Variants in PTPRN observed in about 807,000 individuals in gnomAD.
PTPRN encodes the protein receptor-type tyrosine-protein phosphatase-like N.
Under a neutral mutation model 108.5 loss-of-function variants are expected in PTPRN, and 70 were observed. The ratio of observed to expected loss-of-function variants is 0.65; its 90% CI spans 0.53 to 0.79. PTPRN has a LOEUF of 0.79. Among genes scored for constraint, PTPRN ranks in the 30% least tolerant of loss-of-function variants. The pLI is 0.00. For synonymous variants in PTPRN, 496 were observed against 524.6 expected (o/e 0.95, Z 0.75); for missense variants, 1,136 against 1,295.5 (o/e 0.88, Z 1.89).
intron 8 of PTPRN, 108 bp from the exon 9 acceptor site, chr2:219,300,367 AC>A: frequency 1.7e-6 from 2 of 1,188,574 alleles, no homozygotes; most frequent in South Asian, 1.7e-5. Flanking sequence ...TTCACTTTCT[AC>A]CCCCAGGGAC....
At chr2:219,295,485 C>G (rs764118469) in intron 18 of PTPRN, 1 of 209,218 alleles carries the variant, frequency 4.8e-6, no homozygotes, top group African/African-American at 2.3e-5. Flanking sequence ...CGTTAACCAC[C>G]AGCAGGACCA....
chr2:219,299,773 C>G lies in PTPRN; in HGVS notation c.1450G>C (p.Ala484Pro), dbSNP rs755776897. ...IVTDQKPLSL[A>P]AGVKLLEILA... is the part of the protein sequence containing the mutation. Reference sequence around the variant, plus strand: ...ATCTCCAGCAGCTTCACTCCTGCAGCCAGGCTCAGGGGCCTGGAGATGGGA... The same window carrying G: ...ATCTCCAGCAGCTTCACTCCTGCAGGCAGGCTCAGGGGCCTGGAGATGGGA... The change falls in exon 10 of 23, where the codon GCT (alanine) becomes CCT (proline). Residue 484 changes from alanine to proline, a missense_variant. Coordinates refer to ENST00000295718, the MANE Select transcript of PTPRN (RefSeq NM_002846.4). 49 of 1,610,002 alleles carry G rather than the reference C, an allele frequency of 3.0e-5. No homozygotes were observed. Among genetic ancestry groups the G allele is most frequent in the Non-Finnish European group, 3.9e-5 (46 of 1,177,062 alleles).
At chr2:219,298,173 G>C (rs1443341770) in intron 12 of PTPRN, 70 bp from the exon 13 acceptor site, 2 of 1,459,880 alleles carry the variant, frequency 1.4e-6, no homozygotes, top group Admixed American at 3.4e-5. Flanking sequence ...CCTCACCCCG[G>C]TCCCATGCCA....
At position 219,301,713 on chromosome 2, in the gene PTPRN, G is replaced by C; in HGVS notation, c.1001C>G (p.Ala334Gly). Reference protein sequence around the residue: ...PASPAVQPDAALQRLAAVLAG... With the variant: ...PASPAVQPDAGLQRLAAVLAG... ...CAGCACAGCGGCCAGCCTCTGCAGAGCCGCATCTGCTGGGAGCCAGACACA... is the reference window on the plus strand; with the variant it reads ...CAGCACAGCGGCCAGCCTCTGCAGACCCGCATCTGCTGGGAGCCAGACACA... The change falls in exon 7 of 23, where the codon GCT becomes GGT. Residue 334 changes from alanine to glycine, a missense_variant. By Grantham distance (60) the Ala-to-Gly change is moderately conservative (BLOSUM62 0). Transcript: ENST00000295718. 6.2e-7 allele frequency: 1 copy of C among 1,608,610 alleles called. No individual in the cohort carries two copies. Among genetic ancestry groups the C allele is most frequent in the Non-Finnish European group, 8.5e-7 (1 of 1,175,654 alleles).
chr2:219,302,817 C>T lies in PTPRN; in HGVS notation c.398G>A (p.Arg133Lys), dbSNP rs748837301. ...PRDRSGLAPK[R>K]PGPAGELLLQ... is the part of the protein sequence containing the mutation. ...AAGCAGCTCTCCAGCAGGACCAGGT[C>T]TCTTGGGTGCCAAGCCAGACCTGTA... is the stretch of plus-strand genomic sequence containing the variant. The change falls in exon 5 of 23, where the codon AGA (arginine) becomes AAA (lysine). Residue 133 changes from arginine to lysine, a missense_variant. Coordinates refer to ENST00000295718, the MANE Select transcript of PTPRN (RefSeq NM_002846.4). The T allele has an allele frequency of 1.9e-6, 3 of 1,613,184 alleles. No individual in the cohort carries two copies. Among genetic ancestry groups the T allele is most frequent in the African/African-American group, 1.3e-5 (1 of 74,988 alleles).
In PTPRN at chr2:219,296,584, C is replaced by A. The variant is rs2292604; in HGVS notation, c.2311-68G>T. ...CCACTATGGACAGGCGTGGTCAGAG[C>A]AAGTGGGTCAGGGTCTGAGAAGGCT... On this transcript the variant is annotated intron_variant, in intron 16 of 22. Transcript: ENST00000295718. The surrounding 1 kb of genome is among the most constrained non-coding windows in gnomAD (Gnocchi z 6.0). The A allele has an allele frequency of 1.3e-6, 2 of 1,593,008 alleles. No homozygotes were observed. Among genetic ancestry groups the A allele is most frequent in the Non-Finnish European group, 1.7e-6 (2 of 1,162,978 alleles).
Position 219,309,304 on chromosome 2 carries a change from A to G in PTPRN, c.29T>C (p.Leu10Pro). MRRPRRPGG[L>P]GGSGGLRLLL... ...CAGCCGGAGACCCCCGGATCCCCCG[A>G]GACCCCCAGGCCGCCGCGGGCGCCG... The change falls in exon 1 of 23, where the codon CTC (leucine) becomes CCC (proline). Residue 10 changes from leucine to proline, a missense_variant. By Grantham distance (98) the Leu-to-Pro change is moderately conservative. Coordinates refer to ENST00000295718, the MANE Select transcript of PTPRN (RefSeq NM_002846.4). The G allele has an allele frequency of 6.6e-7, 1 of 1,510,648 alleles. No homozygotes were observed. The highest frequency in any genetic ancestry group is 8.8e-7 in the Non-Finnish European group (1 of 1,133,550). 93.6% of individuals were successfully genotyped at this position (1,510,648 alleles called of 1,614,324 possible).
At position 219,290,858 on chromosome 2, in the gene PTPRN, A is replaced by T; in HGVS notation, c.2762T>A (p.Leu921His). 6.2e-7 allele frequency: 1 copy of T among 1,614,004 alleles called. No individual in the cohort carries two copies. Among genetic ancestry groups the T allele is most frequent in the Non-Finnish European group, 8.5e-7 (1 of 1,180,006 alleles). Residue 921 changes from leucine to histidine, a missense_variant, in exon 21 of 23, where the codon CTC becomes CAC. Transcript: ENST00000295718. This position sits in a 1 kb window ranked among gnomAD's most constrained non-coding sequence, Gnocchi z 4.2. ...DGAGRTGTYI[L>H]IDMVLNRMAK... is the part of the protein sequence containing the mutation. ...CATGCGGTTCAGGACCATGTCGATG[A>T]GGATGTAGGTGCCGGTCCTCCCCGC...
At chr2:219,300,520 A>C in intron 8 of PTPRN, 2 of 483,450 alleles carry the variant, frequency 4.1e-6, no homozygotes, top group South Asian at 8.8e-5. Context: ...CCCTGCAGCA[A>C]GAGAAGCTGG....
intron 2 of PTPRN, 90 bp downstream of exon 2, chr2:219,307,702 C>A: frequency 6.6e-7 from 1 of 1,521,336 alleles, no homozygotes; most frequent in Non-Finnish European, 9.1e-7. Flanking sequence ...CCCAGTAGCC[C>A]TCTTCCTTTC....
Position 219,302,478 on chromosome 2 carries a change from T to C in PTPRN, c.653A>G (p.Asp218Gly), listed in dbSNP as rs1364546848. The C allele has an allele frequency of 1.2e-6, 2 of 1,613,814 alleles. No individual in the cohort carries two copies. The highest frequency in any genetic ancestry group is 3.3e-5 in the Admixed American group (2 of 59,932). ...PYLFHQFGSR[D>G]GSRVSEGSPG... is the part of the protein sequence containing the mutation. ...GGAGCCCTCTGAGACCCTGGAGCCA[T>C]CACGGGAGCCAAACTGTGGAAAACC... Residue 218 changes from aspartate to glycine, a missense_variant, in exon 6 of 23, where the codon GAT (aspartate) becomes GGT (glycine). By Grantham distance (94) the Asp-to-Gly change is moderately conservative. Coordinates refer to ENST00000295718, the MANE Select transcript of PTPRN (RefSeq NM_002846.4).
At chr2:219,304,025 G>A (rs995194303) in intron 3 of PTPRN, 194 bp from the exon 4 acceptor site, 5 of 448,432 alleles carry the variant, frequency 1.1e-5, no homozygotes, top group African/African-American at 2.0e-5. Flanking sequence ...GACCACCTGG[G>A]TTTGAATCCT....
Position 219,295,036 on chromosome 2 carries a change from A to G in PTPRN, c.2614T>C (p.Phe872Leu), listed in dbSNP as rs778690750. The change falls in exon 19 of 23, where the codon TTC becomes CTC. Residue 872 changes from phenylalanine (F) to leucine (L), a missense_variant. Coordinates refer to ENST00000295718, the MANE Select transcript of PTPRN (RefSeq NM_002846.4). ...GTGCCCTCTGCCGGCCAGCTGAGGA[A>G]GTGGAACTGCGTGAGCGTGCGCGTC... ...QETRTLTQFH[F>L]LSWPAEGTPA... 4.7e-5 allele frequency: 76 copies of G among 1,612,760 alleles called. No homozygotes were observed. The highest frequency in any genetic ancestry group is 6.2e-5 in the Non-Finnish European group (73 of 1,179,446).
intron 1 of PTPRN, 41 bp downstream of exon 1, chr2:219,309,177 C>T: frequency 8.1e-7 from 1 of 1,231,384 alleles, no homozygotes. Flanking sequence ...CCAAGCTGCT[C>T]CCCGCCCCCC....
At chr2:219,304,826 C>G (rs1457778977) in intron 3 of PTPRN, among the ~76,000 whole-genome samples, 4 of 152,178 alleles carry the variant, frequency 2.6e-5, no homozygotes, top group African/African-American at 9.7e-5. Context: ...AAACAATATG[C>G]AATTTCTTCC....
In PTPRN at chr2:219,297,319, T is replaced by C. The variant is rs1163673886; in HGVS notation, c.2002A>G (p.Ser668Gly). ...SSQFSDAAQA[S>G]PSSHSSTPSW... ...GGGGTGCTGCTGTGGGAGCTGGGGCTGGCCTGGGCTGCGTCGCTGAACTGG... is the reference window on the plus strand; with the variant it reads ...GGGGTGCTGCTGTGGGAGCTGGGGCCGGCCTGGGCTGCGTCGCTGAACTGG... The change falls in exon 14 of 23, where the codon AGC becomes GGC. Residue 668 changes from serine (S) to glycine (G), a missense_variant. Transcript: ENST00000295718. The surrounding 1 kb of genome is among the most constrained non-coding windows in gnomAD (Gnocchi z 6.0). The C allele has an allele frequency of 6.2e-7, 1 of 1,613,946 alleles. No homozygotes were observed. The highest frequency in any genetic ancestry group is 8.5e-7 in the Non-Finnish European group (1 of 1,180,036).
chr2:219,309,176 T>TGCCCCCCC, intron 1 of PTPRN, 42 bp downstream of exon 1: 1 of 1,364,360 alleles, frequency 7.3e-7, no homozygotes, highest in Non-Finnish European at 9.9e-7. Context: ...CCCAAGCTGC[T>TGCCCCCCC]CCCCGCCCCC....
At chr2:219,307,698 A>T in intron 2 of PTPRN, 94 bp downstream of exon 2, 1 of 1,511,242 alleles carries the variant, frequency 6.6e-7, no homozygotes, top group Non-Finnish European at 9.2e-7. Context: ...CAAGCCCAGT[A>T]GCCCTCTTCC....
In PTPRN at chr2:219,297,458, T is replaced by G. The variant is rs78673929; in HGVS notation, c.1888-25A>C. 3.7e-4 allele frequency: 588 copies of G among 1,610,842 alleles called. No homozygotes were observed. The highest frequency in any genetic ancestry group is 4.4e-4 in the Non-Finnish European group (523 of 1,177,482). The stretch of plus-strand genomic sequence containing the variant: ...CCTGTGGAGGAAGAATCAGGTGAGG[T>G]CCAAGAGTCCCCTGAAACTTTTCAA... On this transcript the variant is annotated intron_variant, in intron 13 of 22. Coordinates refer to ENST00000295718, the MANE Select transcript of PTPRN (RefSeq NM_002846.4). The surrounding 1 kb of genome is among the most constrained non-coding windows in gnomAD (Gnocchi z 6.0).
Sources: allele counts gnomAD v4.1 joint callset (sites outside exome capture counted in the v4.1 genomes callset), GRCh38; gene constraint gnomAD v4.1.1; non-coding constraint Gnocchi (gnomAD v3.1); transcripts MANE v1.5; gene names NCBI Gene and HGNC (gene_info 2026-07-23, HGNC 2026-07-21).